SNX16: variants seen among roughly 807,000 people sequenced by gnomAD.
The protein encoded by SNX16 is sorting nexin-16.
In SNX16, 35 loss-of-function variants were observed where a neutral mutation model predicts 36.7. That is an observed-to-expected ratio of 0.95 (90% CI 0.73 to 1.27). SNX16 has a LOEUF of 1.27. Among genes scored for constraint, SNX16 ranks in the 50% most tolerant of loss-of-function variants. The pLI, the probability that SNX16 is intolerant of heterozygous loss-of-function variation, is 0.00. For synonymous variants in SNX16, 134 were observed against 132.0 expected (o/e 1.02, Z -0.10); for missense variants, 367 against 393.6 (o/e 0.93, Z 0.57).
intron 2 of SNX16, among the ~76,000 whole-genome samples, chr8:81,832,672 G>A (rs1811321493): frequency 6.6e-6 from 1 of 151,752 alleles, no homozygotes; most frequent in South Asian, 2.1e-4. Context: ...GAAAAACTTG[G>A]TTGAAGCAAG....
In SNX16 at chr8:81,808,444, A is replaced by G. The variant is rs187428028; in HGVS notation, c.682-5216T>C. 111 of 1,091,218 alleles carry G rather than the reference A, an allele frequency of 1.0e-4. No homozygotes were observed. In the African/African-American group the frequency reaches 1.5e-3, roughly 15 times the overall value. 67.6% of individuals were successfully genotyped at this position (1,091,218 alleles called of 1,614,324 possible). A position where few individuals can be genotyped will look rare whatever the true frequency, so the allele number is the denominator to read the frequency against. ...GGTTGTGGAGGAAACTTCAGGGGTC[A>G]TGGTGGCTTTGCTGACAGCTGTGGT... On this transcript the variant is annotated intron_variant, in intron 5 of 7. Transcript: ENST00000345957.
intron 3 of SNX16, among the ~76,000 whole-genome samples, chr8:81,827,535 T>C (rs1811072255): frequency 6.6e-6 from 1 of 152,256 alleles, no homozygotes; most frequent in African/African-American, 2.4e-5. Context: ...TATATGAAGC[T>C]CAGGAACAGT....
In SNX16 at chr8:81,810,350, G is replaced by A. The variant is rs368759940; in HGVS notation, c.681+4975C>T. 4.6e-5 allele frequency among the ~76,000 whole-genome samples: 7 copies of A among 152,168 alleles called. No homozygotes were observed. In the East Asian group the frequency reaches 5.8e-4, roughly 13 times the overall value. ...GAGAAAAGTAGGTTAAAGATTTGCC[G>A]AACTGAGTATCCTTTGAATAAGTTT... On this transcript the variant is annotated intron_variant, in intron 5 of 7. Transcript: ENST00000345957.
chr8:81,802,976 GC>G (rs5892778), intron 6 of SNX16, 115 bp downstream of exon 6: 75,852 of 951,740 alleles, frequency 0.08, 3,566 homozygotes, highest in East Asian at 0.17. Context: ...TATGCCAAAA[GC>G]CTACAACTTT....
intron 2 of SNX16, among the ~76,000 whole-genome samples, chr8:81,832,429 G>C (rs899999936): frequency 6.6e-5 from 10 of 152,092 alleles, no homozygotes; most frequent in Admixed American, 2.0e-4. Flanking sequence ...AAGGATGAAG[G>C]GGGGAAGGAG....
At chr8:81,841,112 G>A (rs1055818694) in intron 1 of SNX16, among the ~76,000 whole-genome samples, 4 of 152,274 alleles carry the variant, frequency 2.6e-5, no homozygotes, top group Non-Finnish European at 5.9e-5. Flanking sequence ...AGGATGAAGC[G>A]GGTGGATCGC....
chr8:81,813,765 C>T (rs907572777), intron 5 of SNX16, among the ~76,000 whole-genome samples: 20 of 151,640 alleles, frequency 1.3e-4, no homozygotes, highest in Admixed American at 9.2e-4. Context: ...ATGGGCAAGA[C>T]GTGAACAGAC....
chr8:81,811,838 C>T (rs572990381), intron 5 of SNX16, among the ~76,000 whole-genome samples: 16 of 152,148 alleles, frequency 1.1e-4, no homozygotes, highest in Admixed American at 2.6e-4. Flanking sequence ...TATCTCTAAA[C>T]GGCCCCAAAT....
At chr8:81,827,183 T>A (rs1811056645) in intron 3 of SNX16, among the ~76,000 whole-genome samples, 1 of 152,142 alleles carries the variant, frequency 6.6e-6, no homozygotes, top group Non-Finnish European at 1.5e-5. Context: ...TAAACTCCTA[T>A]CATCTTTTTT....
At position 81,839,922 on chromosome 8, in the gene SNX16, T is replaced by C. The variant is rs1289099283; in HGVS notation, c.65A>G (p.Asn22Ser). The C allele has an allele frequency of 6.2e-7, 1 of 1,613,988 alleles. No individual in the cohort carries two copies. ...IGNSASSFTT[N>S]RNQRSSSFGS... The stretch of plus-strand genomic sequence containing the variant: ...AAAAGAAGAACTTCTTTGATTTCTG[T>C]TTGTTGTAAAACTGGAAGCAGAGTT... Residue 22 changes from asparagine to serine, a missense_variant, in exon 2 of 8, where the codon AAC becomes AGC. Coordinates refer to ENST00000345957, the MANE Select transcript of SNX16 (RefSeq NM_152836.3).
At chr8:81,827,442 T>A (rs1052257268) in intron 3 of SNX16, among the ~76,000 whole-genome samples, 1 of 152,134 alleles carries the variant, frequency 6.6e-6, no homozygotes, top group African/African-American at 2.4e-5. Context: ...ACTTCATGAA[T>A]TGCTTTTATC....
intron 5 of SNX16, chr8:81,808,326 ATGGCTAGTGCTTCAT>A (rs1810063607): frequency 1.6e-6 from 2 of 1,266,830 alleles, no homozygotes; most frequent in Non-Finnish European, 2.3e-6. Context: ...AAAGCAAGAG[ATGGCTAGTGCTTCAT>A]CCAGGCAAAG....
intron 4 of SNX16, among the ~76,000 whole-genome samples, chr8:81,816,323 G>C (rs1230510586): frequency 6.6e-6 from 1 of 151,860 alleles, no homozygotes; most frequent in Non-Finnish European, 1.5e-5. Context: ...CCGAGTAGCA[G>C]GGATTAGAGG....
At chr8:81,841,324 A>G (rs1811757746) in intron 1 of SNX16, among the ~76,000 whole-genome samples, 2 of 148,596 alleles carry the variant, frequency 1.3e-5, no homozygotes, top group Admixed American at 1.3e-4. Flanking sequence ...CTGGGCTACA[A>G]GAGGAAAACT....
At chr8:81,838,081 A>T (rs1304843618) in intron 2 of SNX16, among the ~76,000 whole-genome samples, 1 of 152,218 alleles carries the variant, frequency 6.6e-6, no homozygotes, top group African/African-American at 2.4e-5. Context: ...TAAACATAAA[A>T]GGACAAATTA....
chr8:81,801,787 G>C (rs6987463), intron 7 of SNX16, among the ~76,000 whole-genome samples, 194 bp from the exon 8 acceptor site: 56,045 of 151,280 alleles, frequency 0.37, 10,908 homozygotes, highest in Non-Finnish European at 0.42. Context: ...TGCCAAGTAA[G>C]ACCTTTGGAG....
chr8:81,802,279 A>T, intron 7 of SNX16, 101 bp downstream of exon 7: 1 of 775,840 alleles, frequency 1.3e-6, no homozygotes, highest in Non-Finnish European at 1.8e-6. Flanking sequence ...GATTCGTGAT[A>T]CAGTAACACT....
intron 6 of SNX16, 53 bp from the exon 7 acceptor site, chr8:81,802,552 G>A: frequency 6.6e-7 from 1 of 1,507,908 alleles, no homozygotes; most frequent in Middle Eastern, 1.7e-4. Context: ...ACAGGCATAT[G>A]TTTAATGTTG....
chr8:81,805,263 A>G (rs546695691), intron 5 of SNX16, among the ~76,000 whole-genome samples: 1 of 152,298 alleles, frequency 6.6e-6, no homozygotes, highest in South Asian at 2.1e-4. Context: ...ATTAAAGAGA[A>G]TTCTAAATTT....
Sources: gnomAD v4.1 joint callset for allele counts (sites outside exome capture counted in the v4.1 genomes callset) on GRCh38, gnomAD v4.1.1 for gene constraint, MANE v1.5 for transcripts, NCBI Gene and HGNC (gene_info 2026-07-23, HGNC 2026-07-21) for gene names.